WDR27: variants seen among roughly 807,000 people sequenced by gnomAD.
WDR27 encodes the protein WD repeat domain 27, also known as WD repeat-containing protein 27.
A neutral mutation model predicts 114.4 loss-of-function variants in WDR27; 100 were observed. That is an observed-to-expected ratio of 0.87 (90% CI 0.74 to 1.03). WDR27 has a LOEUF of 1.03. Ranked by LOEUF, WDR27 falls within the 50% of genes least tolerant of loss-of-function variation. The pLI, the probability that WDR27 is intolerant of heterozygous loss-of-function variation, is 0.00. For missense variants in WDR27, 1,129 were observed against 1,092.9 expected, an observed-to-expected ratio of 1.03 and a Z score of -0.47; for synonymous variants, 449 against 423.1, an observed-to-expected ratio of 1.06 and a Z score of -0.75.
At chr6:169,591,392 G>T (rs1805713045) in intron 23 of WDR27, among the ~76,000 whole-genome samples, 2 of 152,150 alleles carry the variant, frequency 1.3e-5, no homozygotes, top group South Asian at 4.1e-4. Context: ...TTCTAATTCT[G>T]CCATTCATCC....
intron 25 of WDR27, among the ~76,000 whole-genome samples, chr6:169,553,058 CTGTGTGTG>C (rs3033612): frequency 5.3e-4 from 16 of 30,164 alleles, no homozygotes; most frequent in African/African-American, 8.3e-4. Context: ...CCTGGAGGGC[CTGTGTGTG>C]TGTGTGTGTG....
chr6:169,479,209 T>C (rs182051439), intron 25 of WDR27, among the ~76,000 whole-genome samples: 85 of 152,146 alleles, frequency 5.6e-4, no homozygotes, highest in Middle Eastern at 3.4e-3. Flanking sequence ...AACAACCTCA[T>C]TGAAAAATGG....
chr6:169,559,831 A>C (rs1356703132), intron 25 of WDR27: 1 of 152,184 alleles, frequency 6.6e-6, no homozygotes, highest in Non-Finnish European at 1.5e-5. Context: ...ATGGAATCTG[A>C]AGTCAGATCA....
At chr6:169,467,749 C>T (rs1386088705) in intron 25 of WDR27, among the ~76,000 whole-genome samples, 1 of 152,182 alleles carries the variant, frequency 6.6e-6, no homozygotes, top group African/African-American at 2.4e-5. Context: ...AGACATTTTC[C>T]CCATTGTCTT....
chr6:169,571,470 A>C (rs1801407708), intron 25 of WDR27, among the ~76,000 whole-genome samples: 1 of 152,242 alleles, frequency 6.6e-6, no homozygotes, highest in African/African-American at 2.4e-5. Context: ...AATTAGCAGG[A>C]AAAGAGCCAT....
At chr6:169,579,255 T>C (rs1802964875) in intron 24 of WDR27, among the ~76,000 whole-genome samples, 1 of 152,208 alleles carries the variant, frequency 6.6e-6, no homozygotes, top group Admixed American at 6.5e-5. Flanking sequence ...GAGGCTGTAA[T>C]GTGGAGGTAG....
chr6:169,498,209 C>T (rs1256050486), intron 25 of WDR27, among the ~76,000 whole-genome samples: 1 of 152,034 alleles, frequency 6.6e-6, no homozygotes, highest in African/African-American at 2.4e-5. Context: ...GTGAAAATCA[C>T]AGAGACAGAT....
intron 25 of WDR27, among the ~76,000 whole-genome samples, chr6:169,466,823 T>C (rs552285533): frequency 6.6e-6 from 1 of 152,290 alleles, no homozygotes; most frequent in South Asian, 2.1e-4. Context: ...ATCATGCTTT[T>C]CCAACAGTCC....
intron 25 of WDR27, among the ~76,000 whole-genome samples, chr6:169,519,702 CTA>C (rs1314664375): frequency 6.6e-6 from 1 of 152,086 alleles, no homozygotes; most frequent in Non-Finnish European, 1.5e-5. Flanking sequence ...AATATCCAAA[CTA>C]TATCACCCCC....
intron 1 of WDR27, among the ~76,000 whole-genome samples, chr6:169,690,238 A>G (rs553179423): frequency 4.6e-5 from 7 of 152,204 alleles, no homozygotes; most frequent in Non-Finnish European, 8.8e-5. Context: ...GTGGATTCAA[A>G]GGATACACCC....
chr6:169,563,272 G>T (rs190635549), intron 25 of WDR27, among the ~76,000 whole-genome samples: 1 of 152,062 alleles, frequency 6.6e-6, no homozygotes, highest in Non-Finnish European at 1.5e-5. Flanking sequence ...AGCCAGGGTC[G>T]GGGACAGAAG....
chr6:169,565,805 C>T (rs1800369488), intron 25 of WDR27, among the ~76,000 whole-genome samples: 1 of 152,234 alleles, frequency 6.6e-6, no homozygotes, highest in Non-Finnish European at 1.5e-5. Context: ...GCATGAGCCA[C>T]CACACGCAGC....
rs951348243 is a variant in WDR27, at chr6:169,634,290, C to G, written c.2101+138G>C. ...ACACGTACAATTAACACAAGGATGG[C>G]GAGCTCCATGAGAAGGGTCCCTGCA... On this transcript the variant is annotated intron_variant, in intron 20 of 25. Transcript: ENST00000448612. 3 of 591,724 alleles carry G rather than the reference C, an allele frequency of 5.1e-6. No homozygotes were observed. The East Asian group carries it at 9.0e-5, about 18-fold the overall frequency. 36.7% of individuals were successfully genotyped at this position (591,724 alleles called of 1,614,324 possible). A position where few individuals can be genotyped will look rare whatever the true frequency, so the allele number is the denominator to read the frequency against.
At chr6:169,564,953 T>C (rs1800227812) in intron 25 of WDR27, among the ~76,000 whole-genome samples, 1 of 152,152 alleles carries the variant, frequency 6.6e-6, no homozygotes, top group South Asian at 2.1e-4. Context: ...GGGAGTTAAG[T>C]GACCATGCCA....
intron 20 of WDR27, among the ~76,000 whole-genome samples, chr6:169,633,613 C>T (rs1032475949): frequency 6.6e-6 from 1 of 152,166 alleles, no homozygotes; most frequent in Non-Finnish European, 1.5e-5. Flanking sequence ...CAGCACTCCC[C>T]AAGCCTCAAT....
chr6:169,658,814 G>C (rs1404955011), intron 12 of WDR27, among the ~76,000 whole-genome samples: 8 of 151,842 alleles, frequency 5.3e-5, no homozygotes. Flanking sequence ...CTCCCGACTA[G>C]CTGGGACTAC....
chr6:169,666,417 C>T (rs1585032611), intron 6 of WDR27: 2 of 985,306 alleles, frequency 2.0e-6, no homozygotes, highest in African/African-American at 1.7e-5. Context: ...TGTCACTTAC[C>T]GCATGGAAGA....
At chr6:169,620,868 A>G (rs1812960189) in intron 21 of WDR27, among the ~76,000 whole-genome samples, 1 of 152,072 alleles carries the variant, frequency 6.6e-6, no homozygotes, top group African/African-American at 2.4e-5. Flanking sequence ...AGACATAGAC[A>G]TAGACCTGCT....
chr6:169,666,100 G>A (rs1827762379), intron 6 of WDR27, among the ~76,000 whole-genome samples: 1 of 152,154 alleles, frequency 6.6e-6, no homozygotes, highest in African/African-American at 2.4e-5. Context: ...AGGAGCATTA[G>A]ATAAATGAAT....
Sources: gnomAD v4.1 joint callset for allele counts (sites outside exome capture counted in the v4.1 genomes callset) on GRCh38, gnomAD v4.1.1 for gene constraint, MANE v1.5 for transcripts, NCBI Gene and HGNC (gene_info 2026-07-23, HGNC 2026-07-21) for gene names.